CROCC2: variants seen among roughly 807,000 people sequenced by gnomAD.
CROCC2 encodes ciliary rootlet coiled-coil protein 2.
CROCC2 carries 163 observed loss-of-function variants against 177.6 expected under a neutral mutation model. The ratio of observed to expected loss-of-function variants is 0.92; its 90% confidence interval spans 0.81 to 1.05. The LOEUF is 1.05. Among genes scored for constraint, CROCC2 ranks in the 50% least tolerant of loss-of-function variants. CROCC2 has a pLI of 0.00. For synonymous variants in CROCC2, 904 were observed against 787.3 expected (o/e 1.15, Z -2.48); for missense variants, 1,929 against 1,797.8 (o/e 1.07, Z -1.32).
At position 240,950,358 on chromosome 2, in the gene CROCC2, G is replaced by A. The variant is rs2059546401; in HGVS notation, c.2677G>A (p.Glu893Lys). 2.6e-6 allele frequency: 4 copies of A among 1,550,050 alleles called. No individual in the cohort carries two copies. Among genetic ancestry groups the A allele is most frequent in the African/African-American group, 1.4e-5 (1 of 73,042 alleles). Residue 893 changes from glutamate to lysine, a missense_variant, in exon 18 of 32, where the codon GAG (glutamate) becomes AAG (lysine). By Grantham distance (56) the Glu-to-Lys change is moderately conservative. Transcript: ENST00000690015. ...EKETLSLTLA[E>K]EKEVARCQLE... ...GGAGACCCTGAGCCTGACCCTGGCA[G>A]AGGAGAAGGAGGTAGCCAGATGCCA...
intron 5 of CROCC2, among the ~76,000 whole-genome samples, chr2:240,929,909 C>T (rs1384200859): frequency 1.3e-5 from 2 of 152,230 alleles, no homozygotes; most frequent in African/African-American, 4.8e-5. Context: ...CACCCTCCCA[C>T]CTCCATGCAC....
At chr2:240,970,585 G>A (rs865883155) in intron 27 of CROCC2, among the ~76,000 whole-genome samples, 7 of 152,300 alleles carry the variant, frequency 4.6e-5, no homozygotes, top group Middle Eastern at 3.4e-3. Flanking sequence ...TCCAGGGGCC[G>A]AGGGTCTTGT....
Position 240,965,716 on chromosome 2 carries a change from TGAGAG to T in CROCC2, c.3685_3689del (p.Glu1229ProfsTer4), listed in dbSNP as rs1209192533. 3 of 1,547,658 alleles carry T rather than the reference TGAGAG, an allele frequency of 1.9e-6. No homozygotes were observed. On this transcript the variant is annotated frameshift_variant, in exon 24 of 32. Coordinates refer to ENST00000690015, the MANE Select transcript of CROCC2 (RefSeq NM_001351305.2). LOFTEE classifies it high-confidence loss of function. ...GACAGCGGCTCCAGGAGCACCTCCG[TGAGAG>T]CCGGGGGGCTGAGCAGACCCTCCGA...
rs1459921895 is a variant in CROCC2 at position 240,961,770 on chromosome 2, A to C, written c.3088-1786A>C. 4.2e-4 allele frequency among the ~76,000 whole-genome samples: 49 copies of C among 116,010 alleles called. 1 individual carries two copies. Among genetic ancestry groups the C allele is most frequent in the African/African-American group, 1.7e-3 (46 of 26,840 alleles). The allele number at this position is 116,010 out of a possible 152,430, so 76.1% of individuals were successfully genotyped here. On this transcript the variant is annotated intron_variant, in intron 20 of 31. Coordinates refer to ENST00000690015, the MANE Select transcript of CROCC2 (RefSeq NM_001351305.2). ...TGGACACCTGCACTGGCTCTCACAC[A>C]CACACACTCATCACACACACGCACT...
rs1415776637 is a variant in CROCC2 at position 240,963,660 on chromosome 2, G to A, written c.3192G>A (p.Glu1064=). Residue 1064 remains glutamate, a synonymous_variant, in exon 21 of 32, where the codon GAG becomes GAA. Transcript: ENST00000690015. ...AGAGCCGGGAGGGGCTGCACAGGGAGGCCCAGGAGGCCCGCCGGGCGCTGA... is the reference window on the plus strand; with the variant it reads ...AGAGCCGGGAGGGGCTGCACAGGGAAGCCCAGGAGGCCCGCCGGGCGCTGA... ...VEESREGLHR[E]AQEARRALSD... is the part of the protein sequence containing the mutation. 6.5e-7 allele frequency: 1 copy of A among 1,549,900 alleles called. No individual in the cohort carries two copies. Among genetic ancestry groups the A allele is most frequent in the African/African-American group, 1.4e-5 (1 of 73,020 alleles).
intron 26 of CROCC2, 92 bp downstream of exon 26, chr2:240,967,557 T>G: frequency 1.3e-6 from 2 of 1,513,672 alleles, no homozygotes; most frequent in Non-Finnish European, 1.8e-6. Context: ...AAGCTTTCAG[T>G]CCCTGGGGCA....
chr2:240,975,779 G>C (rs933911201), intron 27 of CROCC2, among the ~76,000 whole-genome samples: 9 of 144,376 alleles, frequency 6.2e-5, no homozygotes, highest in African/African-American at 1.8e-4. Flanking sequence ...GCCCAGGCTG[G>C]AGTGCAGTGG....
intron 1 of CROCC2, among the ~76,000 whole-genome samples, 161 bp downstream of exon 1, chr2:240,906,752 C>T (rs2059256776): frequency 6.6e-6 from 1 of 152,250 alleles, no homozygotes; most frequent in South Asian, 2.1e-4. Flanking sequence ...CAGCCAGTCA[C>T]GGATGCAAGC....
intron 5 of CROCC2, among the ~76,000 whole-genome samples, chr2:240,928,155 G>A (rs1474849453): frequency 6.6e-6 from 1 of 152,086 alleles, no homozygotes; most frequent in African/African-American, 2.4e-5. Flanking sequence ...TATTTTCCTT[G>A]GAACTCTGTG....
Position 240,949,427 on chromosome 2 carries a change from TG to T in CROCC2, c.2483-104del. On this transcript the variant is annotated intron_variant, in intron 16 of 31. Transcript: ENST00000690015. The surrounding 1 kb of genome is among the most constrained non-coding windows in gnomAD (Gnocchi z 4.5). ...GTGCTGGCCACCCACTCCCGGAGCCTGGAGTGGACAGTGCTTGCCCCCAAGA... is the reference window on the plus strand; with the variant it reads ...GTGCTGGCCACCCACTCCCGGAGCCTGAGTGGACAGTGCTTGCCCCCAAGA... The T allele has an allele frequency of 7.4e-7, 1 of 1,348,212 alleles. No homozygotes were observed. Among genetic ancestry groups the T allele is most frequent in the Non-Finnish European group, 1.0e-6 (1 of 987,182 alleles). 83.5% of individuals were successfully genotyped at this position (1,348,212 alleles called of 1,614,324 possible). A position where few individuals can be genotyped will look rare whatever the true frequency, so the allele number is the denominator to read the frequency against.
chr2:240,959,580 G>T (rs1369151381), intron 20 of CROCC2, 136 bp downstream of exon 20: 1 of 1,192,858 alleles, frequency 8.4e-7, no homozygotes, highest in Non-Finnish European at 1.1e-6. Context: ...GTAGTCCCTG[G>T]GACTAGGAAG....
chr2:240,918,951 G>A lies in CROCC2; in HGVS notation c.229+75G>A. 1 of 655,596 alleles carries A rather than the reference G, an allele frequency of 1.5e-6. No homozygotes were observed. The allele number at this position is 655,596 out of a possible 1,614,324, so 40.6% of individuals were successfully genotyped here. A position where few individuals can be genotyped will look rare whatever the true frequency, so the allele number is the denominator to read the frequency against. On this transcript the variant is annotated intron_variant, in intron 2 of 31. Coordinates refer to ENST00000690015, the MANE Select transcript of CROCC2 (RefSeq NM_001351305.2). This position sits in a 1 kb window ranked among gnomAD's most constrained non-coding sequence, Gnocchi z 6.3. ...CGTGGGGGACAGTCCTGGGCCCGGTGCTGGCCAAGGTGACGGCGTGGGGGA... is the reference window on the plus strand; with the variant it reads ...CGTGGGGGACAGTCCTGGGCCCGGTACTGGCCAAGGTGACGGCGTGGGGGA...
At chr2:240,909,399 C>G (rs771708981) in intron 1 of CROCC2, among the ~76,000 whole-genome samples, 2 of 152,244 alleles carry the variant, frequency 1.3e-5, no homozygotes, top group Non-Finnish European at 2.9e-5. Flanking sequence ...ACCTGGAGCT[C>G]GGCCAGCTCT....
rs13387971 is a variant in CROCC2 at position 240,963,050 on chromosome 2, C to T, written c.3088-506C>T. ...GTGAGCCCCCACTGTGGCAGAGTCACTGTGCCGGGGTCACTGGGCCAGGGT... is the reference window on the plus strand; with the variant it reads ...GTGAGCCCCCACTGTGGCAGAGTCATTGTGCCGGGGTCACTGGGCCAGGGT... On this transcript the variant is annotated intron_variant, in intron 20 of 31. Transcript: ENST00000690015. 7.2e-3 allele frequency among the ~76,000 whole-genome samples: 1,099 copies of T among 152,342 alleles called. 12 individuals are homozygous for T. Among genetic ancestry groups the T allele is most frequent in the Middle Eastern group, 0.027 (8 of 294 alleles).
rs954731240 is a variant in CROCC2, at chr2:240,935,583, G to A, written c.2164G>A (p.Gly722Ser). Residue 722 changes from glycine to serine, a missense_variant, in exon 14 of 32, where the codon GGC (glycine) becomes AGC (serine). Transcript: ENST00000690015. ...REKAQLQEQVGQVTCQKQALE... is the reference protein window; with the variant it reads ...REKAQLQEQVSQVTCQKQALE... ...GAAGGCCCAGCTCCAGGAGCAGGTG[G>A]GCCAGGTGAGGACGTCTGCAGGGCA... is the stretch of plus-strand genomic sequence containing the variant. 2 of 1,373,952 alleles carry A rather than the reference G, an allele frequency of 1.5e-6. No individual in the cohort carries two copies. Among genetic ancestry groups the A allele is most frequent in the Non-Finnish European group, 1.9e-6 (2 of 1,064,592 alleles). The allele number at this position is 1,373,952 out of a possible 1,614,324, so 85.1% of individuals were successfully genotyped here.
intron 1 of CROCC2, among the ~76,000 whole-genome samples, chr2:240,909,269 G>A (rs907051047): frequency 7.2e-6 from 1 of 138,942 alleles, no homozygotes; most frequent in South Asian, 2.4e-4. Context: ...CCTCCACCTC[G>A]GGTGAGCTCT....
chr2:240,927,047 T>A (rs1177814499), intron 5 of CROCC2, among the ~76,000 whole-genome samples: 2 of 152,210 alleles, frequency 1.3e-5, no homozygotes, highest in East Asian at 3.8e-4. Flanking sequence ...GGTCTTTATT[T>A]TCCCTTTGTC....
intron 1 of CROCC2, 42 bp downstream of exon 1, chr2:240,906,633 G>T (rs945183781): frequency 2.5e-6 from 1 of 399,124 alleles, no homozygotes; most frequent in South Asian, 1.3e-4. Context: ...CTGAGAGCAG[G>T]TTGCCAGGAC....
In CROCC2 at chr2:240,947,539, C is replaced by T. The variant is rs146455582; in HGVS notation, c.2363+1286C>T. On this transcript the variant is annotated intron_variant, in intron 15 of 31. Transcript: ENST00000690015. ...GACAGAGGGGCTTGACCTGAAGCCA[C>T]GTCTGCCCGGACACACTCTGTGTGT... Among the ~76,000 whole-genome samples the T allele has an allele frequency of 1.8e-3, 276 of 152,344 alleles. 1 individual carries two copies. The highest frequency in any genetic ancestry group is 3.4e-3 in the Middle Eastern group (1 of 294).
Sources: allele counts gnomAD v4.1 joint callset (sites outside exome capture counted in the v4.1 genomes callset), GRCh38; gene constraint gnomAD v4.1.1; non-coding constraint Gnocchi (gnomAD v3.1); transcripts MANE v1.5; gene names NCBI Gene and HGNC (gene_info 2026-07-23, HGNC 2026-07-21).